NEDD4L: variants seen among roughly 807,000 people sequenced by gnomAD.
The protein encoded by NEDD4L is E3 ubiquitin-protein ligase NEDD4-like.
NEDD4L carries 54 observed loss-of-function variants against 148.9 expected under a neutral mutation model. The ratio of observed to expected loss-of-function variants is 0.36; its 90% CI spans 0.29 to 0.45. The LOEUF is 0.45. NEDD4L is among the 20% of genes least tolerant of loss of function. NEDD4L has a pLI of 1.00. For synonymous variants in NEDD4L, 433 were observed against 440.7 expected, an observed-to-expected ratio of 0.98 and a Z score of 0.22; for missense variants, 856 against 1,233.8, an observed-to-expected ratio of 0.69 and a Z score of 4.59.
chr18:58,185,804 C>T (rs2039403696), intron 2 of NEDD4L, among the ~76,000 whole-genome samples: 1 of 151,652 alleles, frequency 6.6e-6, no homozygotes, highest in Admixed American at 6.6e-5. Flanking sequence ...ACCCAGGAGG[C>T]AGAGGTTGCA....
intron 1 of NEDD4L, among the ~76,000 whole-genome samples, chr18:58,134,671 C>T (rs199786951): frequency 0.018 from 44 of 2,422 alleles, 20 homozygotes; most frequent in Non-Finnish European, 0.029. Context: ...CGCGCCCGGC[C>T]GCAATTCCAT....
intron 2 of NEDD4L, among the ~76,000 whole-genome samples, chr18:58,210,511 C>T (rs2042494944): frequency 6.6e-6 from 1 of 152,098 alleles, no homozygotes; most frequent in African/African-American, 2.4e-5. Context: ...TGCAACGGTG[C>T]GATCTCGGCT....
intron 1 of NEDD4L, among the ~76,000 whole-genome samples, chr18:58,085,445 C>T (rs774480349): frequency 2.6e-5 from 4 of 152,058 alleles, no homozygotes; most frequent in Non-Finnish European, 5.9e-5. Flanking sequence ...TTCATCTCTG[C>T]GCCCTGGAGG....
chr18:58,355,451 G>A (rs959423579), intron 18 of NEDD4L, among the ~76,000 whole-genome samples: 1 of 152,226 alleles, frequency 6.6e-6, no homozygotes, highest in African/African-American at 2.4e-5. Context: ...TGTCCAGGAT[G>A]GAGCTTGAAG....
Position 58,227,918 on chromosome 18 carries a change from T to C in NEDD4L, c.123-17509T>C, listed in dbSNP as rs151314531. 7.3e-4 allele frequency: 670 copies of C among 916,120 alleles called. 4 individuals are homozygous for C. In the African/African-American group the frequency reaches 0.011, roughly 15 times the overall value. The allele number at this position is 916,120 out of a possible 1,614,324, so 56.7% of individuals were successfully genotyped here. On this transcript the variant is annotated intron_variant, in intron 2 of 30. Coordinates refer to ENST00000400345, the MANE Select transcript of NEDD4L (RefSeq NM_001144967.3). ...GTCTGATAATAGCAAGTAAGGCTAT[T>C]TTATTTCTATCCAATTTACCCCAAA...
chr18:58,052,849 C>T (rs757022217), intron 1 of NEDD4L, among the ~76,000 whole-genome samples: 3 of 151,972 alleles, frequency 2.0e-5, no homozygotes, highest in Non-Finnish European at 4.4e-5. Context: ...CCCTGTAATC[C>T]CAGCTACTTG....
intron 1 of NEDD4L, among the ~76,000 whole-genome samples, chr18:58,078,394 G>A (rs910724885): frequency 3.3e-5 from 5 of 152,188 alleles, no homozygotes; most frequent in African/African-American, 1.2e-4. Flanking sequence ...TGAATGAAAA[G>A]CAGGATTCTT....
intron 1 of NEDD4L, among the ~76,000 whole-genome samples, chr18:58,157,398 C>T (rs1030747623): frequency 6.6e-6 from 1 of 152,102 alleles, no homozygotes; most frequent in African/African-American, 2.4e-5. Context: ...TCCCCAGAGT[C>T]AGCCAGTGTT....
chr18:58,303,179 G>A (rs1428686870), intron 5 of NEDD4L, among the ~76,000 whole-genome samples: 1 of 152,118 alleles, frequency 6.6e-6, no homozygotes, highest in African/African-American at 2.4e-5. Context: ...AGTGATTCTT[G>A]GAAAAAGTCA....
At chr18:58,044,742 C>T (rs759328765) in intron 1 of NEDD4L, 34 bp downstream of exon 1, 3 of 1,598,648 alleles carry the variant, frequency 1.9e-6, no homozygotes, top group South Asian at 2.2e-5. Flanking sequence ...CGGGACTCCC[C>T]GGGGAGTTCC....
chr18:58,182,411 T>A (rs2038960641), intron 2 of NEDD4L, among the ~76,000 whole-genome samples: 1 of 151,740 alleles, frequency 6.6e-6, no homozygotes, highest in Admixed American at 6.6e-5. Flanking sequence ...GATGTTAAAA[T>A]AAAGTTTATT....
intron 2 of NEDD4L, among the ~76,000 whole-genome samples, chr18:58,182,721 A>G (rs1011905401): frequency 3.3e-5 from 5 of 151,986 alleles, no homozygotes; most frequent in African/African-American, 4.8e-5. Context: ...TCCTCAAGTG[A>G]TCTACCCACC....
chr18:58,215,545 G>T (rs183891273), intron 2 of NEDD4L, among the ~76,000 whole-genome samples: 1 of 152,096 alleles, frequency 6.6e-6, no homozygotes, highest in East Asian at 1.9e-4. Context: ...TTGATTTATT[G>T]TATATCTTGT....
chr18:58,263,660 C>T (rs1378294178), intron 5 of NEDD4L, among the ~76,000 whole-genome samples: 1 of 103,724 alleles, frequency 9.6e-6, no homozygotes, highest in African/African-American at 3.7e-5. Flanking sequence ...ACTTCTTAGG[C>T]TTTTTTTTTT....
At chr18:58,118,646 G>T (rs1293979202) in intron 1 of NEDD4L, among the ~76,000 whole-genome samples, 1 of 152,120 alleles carries the variant, frequency 6.6e-6, no homozygotes, top group South Asian at 2.1e-4. Context: ...GTGTGGCGGG[G>T]TGGTGGGGGC....
At chr18:58,120,105 G>C (rs1402889444) in intron 1 of NEDD4L, among the ~76,000 whole-genome samples, 2 of 152,180 alleles carry the variant, frequency 1.3e-5, no homozygotes, top group African/African-American at 4.8e-5. Context: ...ATCCCTTCTT[G>C]CTTGCTCTCT....
At chr18:58,097,635 A>G (rs2084499283) in intron 1 of NEDD4L, among the ~76,000 whole-genome samples, 1 of 152,218 alleles carries the variant, frequency 6.6e-6, no homozygotes, top group Admixed American at 6.5e-5. Context: ...ACACACTGTA[A>G]TCAGATATAC....
chr18:58,383,641 G>A (rs1421446807), intron 25 of NEDD4L, among the ~76,000 whole-genome samples: 3 of 152,108 alleles, frequency 2.0e-5, no homozygotes, highest in Non-Finnish European at 4.4e-5. Context: ...GGAGAACCAC[G>A]GTGTCAGTGA....
intron 6 of NEDD4L, among the ~76,000 whole-genome samples, chr18:58,316,844 T>G (rs1315525175): frequency 6.6e-6 from 1 of 152,226 alleles, no homozygotes; most frequent in African/African-American, 2.4e-5. Context: ...AAGTAGCAGC[T>G]GAGAGAGGAA....
Sources: gnomAD v4.1 joint callset for allele counts (sites outside exome capture counted in the v4.1 genomes callset) on GRCh38, gnomAD v4.1.1 for gene constraint, MANE v1.5 for transcripts, NCBI Gene and HGNC (gene_info 2026-07-23, HGNC 2026-07-21) for gene names.